Variants in IBTK observed in about 807,000 individuals in gnomAD.
IBTK encodes inhibitor of Bruton tyrosine kinase, also known as BTK-binding protein.
IBTK carries 83 observed loss-of-function variants against 154.9 expected under a neutral mutation model. The ratio of observed to expected loss-of-function variants is 0.54; its 90% CI spans 0.45 to 0.64. IBTK has a LOEUF of 0.64. Among genes scored for constraint, IBTK ranks in the 30% least tolerant of loss-of-function variants. IBTK has a pLI of 0.00. For synonymous variants in IBTK, 515 were observed against 536.1 expected (o/e 0.96, Z 0.54); for missense variants, 1,332 against 1,584.6 (o/e 0.84, Z 2.71).
intron 25 of IBTK, among the ~76,000 whole-genome samples, chr6:82,184,958 G>A (rs1364898865): frequency 2.0e-5 from 3 of 152,006 alleles, no homozygotes; most frequent in Non-Finnish European, 2.9e-5. Flanking sequence ...AAGGTGGATG[G>A]ATCATGACGA....
intron 5 of IBTK, among the ~76,000 whole-genome samples, chr6:82,226,604 G>GTTTTTTTTTTT (rs201331625): frequency 6.9e-6 from 1 of 144,962 alleles, no homozygotes; most frequent in Non-Finnish European, 1.5e-5. Context: ...CTTCTTTTTT[G>GTTTTTTTTTTT]TTTTTTTTTT....
At chr6:82,224,240 T>C in intron 6 of IBTK, 55 bp from the exon 7 acceptor site, 2 of 1,252,590 alleles carry the variant, frequency 1.6e-6, no homozygotes, top group Non-Finnish European at 2.3e-6. Flanking sequence ...CCTAGTACAA[T>C]TTTTTAAAGA....
chr6:82,237,886 C>A (rs1428050405), intron 2 of IBTK, among the ~76,000 whole-genome samples: 1 of 151,830 alleles, frequency 6.6e-6, no homozygotes, highest in East Asian at 1.9e-4. Flanking sequence ...CCTTAAGGAC[C>A]AGAACTGTTT....
At chr6:82,182,500 T>C (rs956277437) in intron 25 of IBTK, among the ~76,000 whole-genome samples, 3 of 151,980 alleles carry the variant, frequency 2.0e-5, no homozygotes, top group Non-Finnish European at 2.9e-5. Context: ...AATTATTCCA[T>C]AGTGAGTTAT....
chr6:82,186,606 G>A (rs531956738), intron 25 of IBTK, among the ~76,000 whole-genome samples: 199 of 152,164 alleles, frequency 1.3e-3, no homozygotes, highest in African/African-American at 4.5e-3. Context: ...GTCTGGAACC[G>A]AACCTGCAGT....
chr6:82,205,128 G>A (rs1769352092), intron 16 of IBTK, 170 bp from the exon 17 acceptor site: 2 of 417,312 alleles, frequency 4.8e-6, no homozygotes, highest in African/African-American at 4.1e-5. Context: ...TGTTGAAAGG[G>A]CAACCATAAT....
chr6:82,224,255 G>C (rs914531521), intron 6 of IBTK, 70 bp from the exon 7 acceptor site: 2 of 1,080,268 alleles, frequency 1.9e-6, no homozygotes, highest in Admixed American at 3.5e-5. Flanking sequence ...TAAAGATCCA[G>C]CAGACCAGCA....
intron 3 of IBTK, among the ~76,000 whole-genome samples, chr6:82,233,827 C>A (rs976593995): frequency 6.6e-6 from 1 of 151,398 alleles, no homozygotes; most frequent in Non-Finnish European, 1.5e-5. Flanking sequence ...AATACTCCTG[C>A]CTCAGCCTCT....
At chr6:82,223,821 G>C (rs1770192348) in intron 7 of IBTK, among the ~76,000 whole-genome samples, 1 of 152,052 alleles carries the variant, frequency 6.6e-6, no homozygotes, top group Non-Finnish European at 1.5e-5. Flanking sequence ...ATGGTGGTAG[G>C]GGCCTCTGGT....
At chr6:82,237,841 C>T (rs966653795) in intron 2 of IBTK, among the ~76,000 whole-genome samples, 3 of 152,060 alleles carry the variant, frequency 2.0e-5, no homozygotes, top group East Asian at 3.8e-4. Context: ...TAAATGAAGA[C>T]ACTGAAGGTA....
intron 1 of IBTK, 84 bp from the exon 2 acceptor site, chr6:82,240,927 T>C (rs955882093): frequency 1.5e-5 from 6 of 399,318 alleles, no homozygotes; most frequent in African/African-American, 1.0e-4. Context: ...ACTACCTCCA[T>C]ATTTAGATGC....
chr6:82,201,279 TA>T (rs1769200176), intron 19 of IBTK, 142 bp downstream of exon 19: 1 of 479,722 alleles, frequency 2.1e-6, no homozygotes, highest in Admixed American at 4.0e-5. Context: ...GTGAGATCTG[TA>T]AAGGAATCCT....
Position 82,220,604 on chromosome 6 carries a change from C to A in IBTK, c.1234G>T (p.Asp412Tyr). The A allele has an allele frequency of 6.2e-7, 1 of 1,611,452 alleles. No individual in the cohort carries two copies. Among genetic ancestry groups the A allele is most frequent in the Non-Finnish European group, 8.5e-7 (1 of 1,179,114 alleles). The stretch of plus-strand genomic sequence containing the variant: ...CATGTACTTACCCTTCCAGCTCCAT[C>A]CATTGCAAGAATGCAAATTTTTTGA... Reference protein sequence around the residue: ...GGQKICILAMDGAGRVFCWRS... With the variant: ...GGQKICILAMYGAGRVFCWRS... Residue 412 changes from aspartate (D) to tyrosine (Y), a missense_variant, in exon 9 of 29, where the codon GAT (aspartate) becomes TAT (tyrosine). This residue lies in a region of IBTK where 1,134 missense variants were observed against 1,274.7 expected (regional missense o/e 0.89). Transcript: ENST00000306270.
At chr6:82,201,257 T>C (rs1056807931) in intron 19 of IBTK, among the ~76,000 whole-genome samples, 165 bp downstream of exon 19, 1 of 152,230 alleles carries the variant, frequency 6.6e-6, no homozygotes, top group East Asian at 1.9e-4. Context: ...ATTCTGATTA[T>C]CATATGTATC....
chr6:82,191,332 C>T, intron 24 of IBTK, 116 bp from the exon 25 acceptor site: 1 of 774,184 alleles, frequency 1.3e-6, no homozygotes, highest in East Asian at 2.8e-5. Context: ...ATAAAGGTTA[C>T]TGGTAATAAT....
rs201440373 is a variant in IBTK at position 82,231,849 on chromosome 6, T to C, written c.419-7A>G. 9 of 1,514,964 alleles carry C rather than the reference T, an allele frequency of 5.9e-6. No individual in the cohort carries two copies. The highest frequency in any genetic ancestry group is 4.2e-5 in the Admixed American group (2 of 47,514). The allele number at this position is 1,514,964 out of a possible 1,614,324, so 93.8% of individuals were successfully genotyped here. On this transcript the variant is annotated splice_polypyrimidine_tract_variant and splice_region_variant and intron_variant, in intron 3 of 28. Coordinates refer to ENST00000306270, the MANE Select transcript of IBTK (RefSeq NM_015525.4). ...GTATAAACATCTGTAGGATCTAAAA[T>C]AAAAATTAGTTTTTATACTTTTTTA...
chr6:82,186,011 C>CA (rs1413091803), intron 25 of IBTK, among the ~76,000 whole-genome samples: 1 of 152,066 alleles, frequency 6.6e-6, no homozygotes, highest in Non-Finnish European at 1.5e-5. Flanking sequence ...CCTGGTATTT[C>CA]AAACTTTTTC....
At chr6:82,235,321 C>A (rs536190649) in intron 2 of IBTK, among the ~76,000 whole-genome samples, 1 of 152,032 alleles carries the variant, frequency 6.6e-6, no homozygotes, top group African/African-American at 2.4e-5. Context: ...CTCTGCCGGG[C>A]GCAGTGGCTC....
chr6:82,179,505 A>C (rs1768233627), intron 26 of IBTK, among the ~76,000 whole-genome samples: 1 of 152,242 alleles, frequency 6.6e-6, no homozygotes, highest in African/African-American at 2.4e-5. Context: ...TGACGACTGA[A>C]CATATGCTCA....
Sources: allele counts gnomAD v4.1 joint callset (sites outside exome capture counted in the v4.1 genomes callset), GRCh38; gene constraint gnomAD v4.1.1; regional missense constraint gnomAD v4.1.1; transcripts MANE v1.5; gene names NCBI Gene and HGNC (gene_info 2026-07-23, HGNC 2026-07-21).